Variants in XRCC5 observed in about 807,000 individuals in gnomAD.
XRCC5 encodes the protein DNA repair protein Ku80.
In XRCC5, 12 loss-of-function variants were observed where a neutral mutation model predicts 95.7. The ratio of observed to expected loss-of-function variants is 0.13; its 90% CI spans 0.08 to 0.20. The LOEUF is 0.20. Among genes scored for constraint, XRCC5 ranks in the 10% least tolerant of loss-of-function variants. XRCC5 has a pLI of 1.00. For missense variants in XRCC5, 595 were observed against 873.9 expected, an observed-to-expected ratio of 0.68 and a Z score of 4.02; for synonymous variants, 281 against 290.3, an observed-to-expected ratio of 0.97 and a Z score of 0.33.
chr2:216,175,314 C>G, intron 16 of XRCC5: 1 of 455,878 alleles, frequency 2.2e-6, no homozygotes, highest in Non-Finnish European at 4.3e-6. Context: ...CCTCTTCCAC[C>G]AAAGTTTCCA....
At chr2:216,199,743 T>C (rs1166928898) in intron 19 of XRCC5, among the ~76,000 whole-genome samples, 1 of 151,220 alleles carries the variant, frequency 6.6e-6, no homozygotes, top group Non-Finnish European at 1.5e-5. Context: ...ACTGCCCTAG[T>C]CCTTCATTCT....
intron 8 of XRCC5, among the ~76,000 whole-genome samples, chr2:216,130,427 C>T (rs41299808): frequency 5.3e-5 from 8 of 151,692 alleles, no homozygotes; most frequent in African/African-American, 1.7e-4. Flanking sequence ...CTCCAGCATA[C>T]GTTTTTGAGA....
rs191373535 is a variant in XRCC5, at chr2:216,173,775, C to T, written c.1834+11727C>T. On this transcript the variant is annotated intron_variant, in intron 16 of 20. Transcript: ENST00000392132. The stretch of plus-strand genomic sequence containing the variant: ...GGGTTAGTTATAAAAAGGATGAGTT[C>T]GGCCTGATTTCTTCTCTGTCTCTGG... Among the ~76,000 whole-genome samples, 241 of 152,262 alleles carry T rather than the reference C, an allele frequency of 1.6e-3. 1 individual carries two copies. Among genetic ancestry groups the T allele is most frequent in the Middle Eastern group, 3.4e-3 (1 of 294 alleles).
At chr2:216,141,540 CTTTTTTTTTTT>C (rs71401137) in intron 13 of XRCC5, among the ~76,000 whole-genome samples, 5 of 65,006 alleles carry the variant, frequency 7.7e-5, no homozygotes, top group African/African-American at 1.5e-4. Flanking sequence ...TCTTTCTTTT[CTTTTTTTTTTT>C]TTTTTTTTTT....
At chr2:216,203,031 T>G (rs911195786) in intron 19 of XRCC5, among the ~76,000 whole-genome samples, 2 of 152,230 alleles carry the variant, frequency 1.3e-5, no homozygotes, top group African/African-American at 4.8e-5. Context: ...AGGTCATGAT[T>G]GTGTCCATTG....
intron 14 of XRCC5, among the ~76,000 whole-genome samples, chr2:216,151,224 A>T (rs207908): frequency 0.47 from 71,494 of 152,002 alleles, 17,165 homozygotes; most frequent in Non-Finnish European, 0.52. Flanking sequence ...GACACTGTAG[A>T]CCCAAAATAT....
intron 19 of XRCC5, chr2:216,204,117 G>GA: frequency 3.5e-6 from 2 of 579,540 alleles, no homozygotes; most frequent in Admixed American, 5.9e-5. Context: ...GAGTTAGTAT[G>GA]GACTACTTGA....
chr2:216,114,354 AT>A (rs1300340331), intron 2 of XRCC5, among the ~76,000 whole-genome samples: 1 of 151,882 alleles, frequency 6.6e-6, no homozygotes, highest in East Asian at 1.9e-4. Flanking sequence ...GTCATTCTAG[AT>A]TTTTAAAAAT....
rs1289330534 is a variant in XRCC5, at chr2:216,204,055, C to T, written c.2110-267C>T. On this transcript the variant is annotated intron_variant, in intron 19 of 20. Transcript: ENST00000392132. The stretch of plus-strand genomic sequence containing the variant: ...GCTTATACAGGACACTACACACTGT[C>T]TCGACAAGCCATGTTCTTTCCTCCC... 1.1e-5 allele frequency: 5 copies of T among 456,198 alleles called. No homozygotes were observed. In the Admixed American group the frequency reaches 1.7e-4, roughly 15 times the overall value. 28.3% of individuals were successfully genotyped at this position (456,198 alleles called of 1,614,324 possible).
intron 14 of XRCC5, among the ~76,000 whole-genome samples, chr2:216,157,121 C>G (rs754064524): frequency 6.6e-6 from 1 of 152,170 alleles, no homozygotes; most frequent in Admixed American, 6.5e-5. Flanking sequence ...TCTTTCCTCA[C>G]GTTTTTTAAT....
chr2:216,189,209 A>G (rs1689567692), intron 16 of XRCC5, among the ~76,000 whole-genome samples: 1 of 152,270 alleles, frequency 6.6e-6, no homozygotes. Flanking sequence ...GTGCATACAC[A>G]GGTAGCTGCT....
At chr2:216,186,938 G>A (rs1689503426) in intron 16 of XRCC5, among the ~76,000 whole-genome samples, 1 of 152,176 alleles carries the variant, frequency 6.6e-6, no homozygotes, top group African/African-American at 2.4e-5. Context: ...AGGGAAATGT[G>A]AAGTGCCACA....
At chr2:216,147,416 G>T (rs964212555) in intron 13 of XRCC5, among the ~76,000 whole-genome samples, 1 of 152,170 alleles carries the variant, frequency 6.6e-6, no homozygotes, top group Non-Finnish European at 1.5e-5. Context: ...ACCACTTCCA[G>T]TCAGACAGTG....
intron 18 of XRCC5, 34 bp downstream of exon 18, chr2:216,192,769 A>G: frequency 1.5e-6 from 2 of 1,379,200 alleles, no homozygotes; most frequent in Admixed American, 4.5e-5. Context: ...TTTAAAAAGT[A>G]TTTTTAAAAT....
intron 16 of XRCC5, among the ~76,000 whole-genome samples, chr2:216,165,565 C>G (rs1689040444): frequency 6.6e-6 from 1 of 152,216 alleles, no homozygotes; most frequent in Non-Finnish European, 1.5e-5. Flanking sequence ...TCCGCTAGGG[C>G]ATCTTTTTAC....
Position 216,205,148 on chromosome 2 carries a change from T to C in XRCC5, c.2185-40T>C, listed in dbSNP as rs2287560. The C allele has an allele frequency of 4.6e-5, 75 of 1,613,560 alleles. No homozygotes were observed. The East Asian group carries it at 1.5e-3, about 33-fold the overall frequency. On this transcript the variant is annotated intron_variant, in intron 20 of 20. Transcript: ENST00000392132. ...CACCAGAGAAGCAGTGGTATGAAAT[T>C]GGCCTGATTCCTTTCTAAGTGTGTT... is the stretch of plus-strand genomic sequence containing the variant.
At position 216,113,160 on chromosome 2, in the gene XRCC5, C is replaced by G. The variant is rs149406399; in HGVS notation, c.135+31C>G. On this transcript the variant is annotated intron_variant, in intron 2 of 20. Transcript: ENST00000392132. ...TTTCAGATTGACACTGAGCTTGTAA[C>G]CCATGTTTGAACTGCTTGTTGCCTC... The G allele has an allele frequency of 1.4e-5, 22 of 1,583,926 alleles. No individual in the cohort carries two copies. In the East Asian group the frequency reaches 3.4e-4, roughly 24 times the overall value.
At chr2:216,137,290 A>G in intron 11 of XRCC5, 65 bp downstream of exon 11, 3 of 1,526,080 alleles carry the variant, frequency 2.0e-6, no homozygotes, top group Non-Finnish European at 2.7e-6. Context: ...AGTGTTTCTC[A>G]GCTGTTAATG....
intron 2 of XRCC5, 31 bp from the exon 3 acceptor site, chr2:216,116,628 T>A (rs1330718183): frequency 6.2e-7 from 1 of 1,613,622 alleles, no homozygotes; most frequent in Non-Finnish European, 8.5e-7. Context: ...TGTTCTAATA[T>A]GGTTTTCAGC....
Sources: allele counts gnomAD v4.1 joint callset (sites outside exome capture counted in the v4.1 genomes callset), GRCh38; gene constraint gnomAD v4.1.1; transcripts MANE v1.5; gene names NCBI Gene and HGNC (gene_info 2026-07-23, HGNC 2026-07-21).